CSMD3: variants seen among roughly 807,000 people sequenced by gnomAD.
CSMD3 encodes the protein CUB and sushi domain-containing protein 3.
A neutral mutation model predicts 435.2 loss-of-function variants in CSMD3; 177 were observed. That is an observed-to-expected ratio of 0.41 (90% confidence interval 0.36 to 0.46). CSMD3 has a LOEUF of 0.46. Among genes scored for constraint, CSMD3 ranks in the 20% least tolerant of loss-of-function variants. The pLI is 0.34. For missense variants in CSMD3, 4,265 were observed against 4,504.6 expected (o/e 0.95, Z 1.52); for synonymous variants, 1,656 against 1,520.5 (o/e 1.09, Z -2.07).
intron 4 of CSMD3, among the ~76,000 whole-genome samples, chr8:113,122,396 C>A (rs1444064829): frequency 6.6e-6 from 1 of 151,994 alleles, no homozygotes; most frequent in African/African-American, 2.4e-5. Flanking sequence ...CAGATATTTT[C>A]CCTGGGAACC....
chr8:113,001,154 C>T lies in CSMD3; in HGVS notation c.1030+17913G>A, dbSNP rs75115322. ...TTCTCACCAGGATAGTGCAACACAA[C>T]GCTGTTTCCTACATTCATTTTTGTC... On this transcript the variant is annotated intron_variant, in intron 6 of 70. Transcript: ENST00000297405. Among the ~76,000 whole-genome samples, 1,019 of 152,144 alleles carry T rather than the reference C, an allele frequency of 6.7e-3. 12 individuals are homozygous for T. Among genetic ancestry groups the T allele is most frequent in the African/African-American group, 0.023 (968 of 41,534 alleles).
At chr8:113,113,464 T>A (rs184367336) in intron 4 of CSMD3, among the ~76,000 whole-genome samples, 1 of 152,312 alleles carries the variant, frequency 6.6e-6, no homozygotes, top group Non-Finnish European at 1.5e-5. Flanking sequence ...AAAATAGCTA[T>A]GTGTCATGTA....
At chr8:113,316,723 T>C (rs2093913257) in intron 1 of CSMD3, among the ~76,000 whole-genome samples, 3 of 152,044 alleles carry the variant, frequency 2.0e-5, no homozygotes, top group Admixed American at 2.0e-4. Flanking sequence ...CTAATTTTTG[T>C]ACTTTTAGTA....
intron 61 of CSMD3, among the ~76,000 whole-genome samples, chr8:112,260,189 A>T (rs1424198455): frequency 2.0e-5 from 3 of 152,214 alleles, no homozygotes; most frequent in African/African-American, 7.2e-5. Context: ...AGTCCCTAAC[A>T]TTAATGGATT....
chr8:112,578,797 A>G (rs1467724536), intron 23 of CSMD3, among the ~76,000 whole-genome samples: 1 of 152,052 alleles, frequency 6.6e-6, no homozygotes, highest in African/African-American at 2.4e-5. Context: ...GCAGCCATAG[A>G]CAATATGCAA....
At chr8:113,044,820 T>A (rs1158711517) in intron 5 of CSMD3, among the ~76,000 whole-genome samples, 1 of 149,206 alleles carries the variant, frequency 6.7e-6, no homozygotes, top group East Asian at 1.9e-4. Context: ...TTGTTTATGC[T>A]GTTATTTCTT....
intron 59 of CSMD3, among the ~76,000 whole-genome samples, chr8:112,275,295 C>T (rs894138687): frequency 5.3e-5 from 8 of 152,040 alleles, no homozygotes; most frequent in Non-Finnish European, 1.2e-4. Context: ...CGCCTGTAAC[C>T]CCAGCACTTT....
intron 22 of CSMD3, among the ~76,000 whole-genome samples, chr8:112,625,034 G>A (rs994002990): frequency 1.3e-5 from 2 of 151,218 alleles, no homozygotes; most frequent in African/African-American, 2.4e-5. Flanking sequence ...GAGGGGATTC[G>A]AGAGGAAAAA....
At chr8:112,869,931 G>C (rs1486107551) in intron 10 of CSMD3, among the ~76,000 whole-genome samples, 1 of 152,050 alleles carries the variant, frequency 6.6e-6, no homozygotes, top group Non-Finnish European at 1.5e-5. Context: ...CATAATGTAT[G>C]CAGGGCTTAA....
At chr8:112,558,081 C>G (rs1346171004) in intron 24 of CSMD3, among the ~76,000 whole-genome samples, 1 of 151,826 alleles carries the variant, frequency 6.6e-6, no homozygotes, top group Admixed American at 6.6e-5. Flanking sequence ...AAGTATGGCA[C>G]TTTGGCATGC....
chr8:112,504,039 G>T, intron 29 of CSMD3, 62 bp from the exon 30 acceptor site: 1 of 1,048,302 alleles, frequency 9.5e-7, no homozygotes, highest in Non-Finnish European at 1.4e-6. Context: ...TTATTAGGCT[G>T]TTAACCATAA....
chr8:112,368,820 T>C (rs1828037057), intron 38 of CSMD3, among the ~76,000 whole-genome samples: 1 of 152,162 alleles, frequency 6.6e-6, no homozygotes, highest in Non-Finnish European at 1.5e-5. Context: ...TTATTTTCTA[T>C]AATTTTCCAT....
At chr8:112,827,936 A>C (rs2079748126) in intron 12 of CSMD3, among the ~76,000 whole-genome samples, 1 of 152,158 alleles carries the variant, frequency 6.6e-6, no homozygotes, top group Non-Finnish European at 1.5e-5. Flanking sequence ...CATAAATTCA[A>C]ATTTTTACAT....
At chr8:112,385,933 A>C (rs918706931) in intron 36 of CSMD3, among the ~76,000 whole-genome samples, 1 of 152,116 alleles carries the variant, frequency 6.6e-6, no homozygotes, top group Non-Finnish European at 1.5e-5. Context: ...GGAACCTCTA[A>C]ATACTACCGT....
chr8:112,906,773 C>A (rs537218266), intron 10 of CSMD3, among the ~76,000 whole-genome samples: 4 of 151,518 alleles, frequency 2.6e-5, no homozygotes, highest in Non-Finnish European at 5.9e-5. Context: ...TGCTCCTCAT[C>A]CCCTAAATTC....
At chr8:112,283,683 A>T (rs928750132) in intron 58 of CSMD3, among the ~76,000 whole-genome samples, 1 of 151,702 alleles carries the variant, frequency 6.6e-6, no homozygotes, top group African/African-American at 2.4e-5. Context: ...TAATTTACCT[A>T]ACCAATTCCC....
intron 16 of CSMD3, among the ~76,000 whole-genome samples, chr8:112,674,298 T>C (rs1428813979): frequency 6.6e-6 from 1 of 152,132 alleles, no homozygotes; most frequent in Non-Finnish European, 1.5e-5. Flanking sequence ...AGGGCTGGGA[T>C]GAGGTGAAAG....
intron 12 of CSMD3, among the ~76,000 whole-genome samples, chr8:112,803,284 A>G (rs1587342570): frequency 6.6e-6 from 1 of 152,128 alleles, no homozygotes; most frequent in African/African-American, 2.4e-5. Flanking sequence ...TCCTGAGAAG[A>G]TCAAAGCAAT....
chr8:112,967,303 T>C (rs929565792), intron 7 of CSMD3, among the ~76,000 whole-genome samples: 3 of 151,892 alleles, frequency 2.0e-5, no homozygotes, highest in Non-Finnish European at 4.4e-5. Flanking sequence ...TGATAATATA[T>C]GTTCCCTGCT....
Sources: allele counts gnomAD v4.1 joint callset (sites outside exome capture counted in the v4.1 genomes callset), GRCh38; gene constraint gnomAD v4.1.1; transcripts MANE v1.5; gene names NCBI Gene and HGNC (gene_info 2026-07-23, HGNC 2026-07-21).